The following CCSER1 variants were observed in gnomAD, a reference collection of about 807,000 sequenced individuals.
The protein encoded by CCSER1 is coiled-coil serine rich protein 1, also known as serine-rich coiled-coil domain-containing protein 1.
Under a neutral mutation model 82.0 loss-of-function variants are expected in CCSER1, and 41 were observed. That is an observed-to-expected ratio of 0.50 (90% confidence interval 0.39 to 0.65). The LOEUF (loss-of-function observed/expected upper bound fraction) is 0.65. Among genes scored for constraint, CCSER1 ranks in the 30% least tolerant of loss-of-function variants. The pLI, the probability that CCSER1 is intolerant of heterozygous loss-of-function variation, is 0.00. For missense variants in CCSER1, 1,119 were observed against 1,064.2 expected (o/e 1.05, Z -0.72); for synonymous variants, 414 against 383.9 (o/e 1.08, Z -0.92).
chr4:90,400,500 G>A (rs928002669), intron 4 of CCSER1, among the ~76,000 whole-genome samples: 26 of 152,044 alleles, frequency 1.7e-4, no homozygotes, highest in Non-Finnish European at 2.9e-4. Flanking sequence ...CCAAATGGAA[G>A]TTTTGTGGAT....
chr4:91,202,766 CAT>C lies in CCSER1; in HGVS notation c.2217+116779_2217+116780del, dbSNP rs200100618. ...ATATGCACGTACACATATACACACT[CAT>C]ATATATGTGTGCATATATATGTGTG... On this transcript the variant is annotated intron_variant, in intron 10 of 10. Transcript: ENST00000509176. 3.2e-3 allele frequency among the ~76,000 whole-genome samples: 332 copies of C among 103,082 alleles called. 1 individual carries two copies. The highest frequency in any genetic ancestry group is 0.011 in the African/African-American group (304 of 27,282). 67.6% of individuals were successfully genotyped at this position (103,082 alleles called of 152,430 possible).
intron 3 of CCSER1, among the ~76,000 whole-genome samples, chr4:90,314,993 C>T (rs1204268915): frequency 6.6e-6 from 1 of 150,506 alleles, no homozygotes; most frequent in Non-Finnish European, 1.5e-5. Context: ...ATTACAGGCA[C>T]CTGCCACCAT....
chr4:90,760,651 T>C (rs1750278961), intron 7 of CCSER1, among the ~76,000 whole-genome samples: 1 of 152,124 alleles, frequency 6.6e-6, no homozygotes, highest in African/African-American at 2.4e-5. Flanking sequence ...ATGTTCTATA[T>C]CATTAAGGAA....
chr4:90,211,058 A>G (rs574372207), intron 1 of CCSER1, among the ~76,000 whole-genome samples: 15 of 152,302 alleles, frequency 9.8e-5, no homozygotes, highest in African/African-American at 3.6e-4. Flanking sequence ...GTCCAGTTTC[A>G]TAGGCATTTT....
At chr4:90,287,864 C>CACTGTG (rs1730191302) in intron 1 of CCSER1, among the ~76,000 whole-genome samples, 1 of 151,460 alleles carries the variant, frequency 6.6e-6, no homozygotes, top group African/African-American at 2.4e-5. Context: ...CTGACTTTTC[C>CACTGTG]ATTGTGATTG....
intron 3 of CCSER1, among the ~76,000 whole-genome samples, chr4:90,391,506 T>A (rs1336463067): frequency 1.3e-5 from 1 of 76,280 alleles, no homozygotes; most frequent in Non-Finnish European, 2.4e-5. Context: ...AGTGGGTAAA[T>A]ATATATATAT....
At chr4:91,008,782 G>T (rs1055607661) in intron 9 of CCSER1, among the ~76,000 whole-genome samples, 1 of 152,210 alleles carries the variant, frequency 6.6e-6, no homozygotes, top group African/African-American at 2.4e-5. Context: ...ATGTTGGCAG[G>T]CTGATTCCAA....
At chr4:90,991,999 C>T (rs1168939173) in intron 9 of CCSER1, among the ~76,000 whole-genome samples, 1 of 152,030 alleles carries the variant, frequency 6.6e-6, no homozygotes, top group East Asian at 1.9e-4. Flanking sequence ...TTATTGCACT[C>T]CAGAGTATTG....
At chr4:90,950,463 C>G (rs1253002408) in intron 9 of CCSER1, among the ~76,000 whole-genome samples, 1 of 151,956 alleles carries the variant, frequency 6.6e-6, no homozygotes, top group Non-Finnish European at 1.5e-5. Context: ...ATATCATCAC[C>G]TACTAATCAA....
chr4:90,671,106 A>C (rs1161119898), intron 6 of CCSER1, among the ~76,000 whole-genome samples: 4 of 152,138 alleles, frequency 2.6e-5, no homozygotes, highest in Non-Finnish European at 5.9e-5. Context: ...ACCTGAGCCT[A>C]AACAGAGTCA....
At chr4:90,361,624 A>C (rs1215821444) in intron 3 of CCSER1, among the ~76,000 whole-genome samples, 3 of 152,228 alleles carry the variant, frequency 2.0e-5, no homozygotes, top group African/African-American at 7.2e-5. Flanking sequence ...ACAGTACCCA[A>C]TAGGTAGTTT....
At chr4:91,431,830 T>C (rs1754344058) in intron 10 of CCSER1, among the ~76,000 whole-genome samples, 1 of 152,218 alleles carries the variant, frequency 6.6e-6, no homozygotes, top group African/African-American at 2.4e-5. Flanking sequence ...TTATTTTAAT[T>C]AAGGATATAT....
At chr4:90,644,850 G>A (rs1727225910) in intron 6 of CCSER1, among the ~76,000 whole-genome samples, 1 of 151,880 alleles carries the variant, frequency 6.6e-6, no homozygotes, top group Admixed American at 6.6e-5. Context: ...GGGAGGCCGA[G>A]GCAGGCAGAT....
intron 10 of CCSER1, among the ~76,000 whole-genome samples, chr4:91,202,994 A>G (rs928491075): frequency 2.0e-5 from 3 of 151,712 alleles, no homozygotes; most frequent in Non-Finnish European, 1.5e-5. Flanking sequence ...TTATTACAAG[A>G]AAGGGCAATG....
At chr4:90,923,480 A>G in intron 9 of CCSER1, 33 bp downstream of exon 9, 2 of 1,429,106 alleles carry the variant, frequency 1.4e-6, no homozygotes, top group South Asian at 1.2e-5. Flanking sequence ...TTTTAACTTC[A>G]TTATTGGCAT....
chr4:90,505,135 T>G (rs1770501190), intron 5 of CCSER1, among the ~76,000 whole-genome samples: 1 of 152,236 alleles, frequency 6.6e-6, no homozygotes, highest in East Asian at 1.9e-4. Flanking sequence ...GAAATAAACA[T>G]AAGCATGCAT....
At chr4:90,569,826 A>T (rs1018480916) in intron 5 of CCSER1, among the ~76,000 whole-genome samples, 3 of 152,090 alleles carry the variant, frequency 2.0e-5, no homozygotes, top group Non-Finnish European at 4.4e-5. Context: ...GGTGCATCTG[A>T]TCCATCCACC....
intron 8 of CCSER1, among the ~76,000 whole-genome samples, chr4:90,838,481 AAT>A (rs201712597): frequency 5.4e-4 from 76 of 141,484 alleles, no homozygotes; most frequent in South Asian, 2.3e-3. Flanking sequence ...AATATTTCAT[AAT>A]ATTTTTTTTA....
intron 10 of CCSER1, among the ~76,000 whole-genome samples, chr4:91,341,096 T>C (rs750155977): frequency 6.6e-6 from 1 of 152,216 alleles, no homozygotes; most frequent in Non-Finnish European, 1.5e-5. Flanking sequence ...CAGGCTATGA[T>C]TTCATTCAGC....
Sources: gnomAD v4.1 joint callset for allele counts (sites outside exome capture counted in the v4.1 genomes callset) on GRCh38, gnomAD v4.1.1 for gene constraint, MANE v1.5 for transcripts, NCBI Gene and HGNC (gene_info 2026-07-23, HGNC 2026-07-21) for gene names.